The following C5orf47 variants were observed in gnomAD, a reference collection of about 807,000 sequenced individuals.
C5orf47 encodes the protein chromosome 5 open reading frame 47.
A neutral mutation model predicts 20.6 loss-of-function variants in C5orf47; 20 were observed. The observed-to-expected ratio is 0.97, with a 90% CI of 0.68 to 1.41. The LOEUF (loss-of-function observed/expected upper bound fraction) is 1.41, where lower values mean the gene tolerates loss of function less well. Ranked by LOEUF, C5orf47 falls within the 40% of genes most tolerant of loss-of-function variation. C5orf47 has a pLI of 0.00. For missense variants in C5orf47, 262 were observed against 238.4 expected, an observed-to-expected ratio of 1.10 and a Z score of -0.65; for synonymous variants, 106 against 97.3, an observed-to-expected ratio of 1.09 and a Z score of -0.53.
downstream of C5orf47, among the ~76,000 whole-genome samples, chr5:174,008,280 C>G (rs956451134): frequency 2.0e-5 from 3 of 152,132 alleles, no homozygotes; most frequent in African/African-American, 7.2e-5. Flanking sequence ...ATTGATCCGG[C>G]CCATATATTA....
intron 1 of C5orf47, 113 bp downstream of exon 1, chr5:173,989,701 G>T: frequency 1.0e-6 from 1 of 992,628 alleles, no homozygotes; most frequent in Non-Finnish European, 1.4e-6. Context: ...CAGCTTTCCT[G>T]TCAGGCCGTG....
chr5:173,989,527 T>C lies in C5orf47; in HGVS notation c.264T>C (p.Ser88=), dbSNP rs1758941510. Residue 88 remains serine, a synonymous_variant, in exon 1 of 5, where the codon TCT becomes TCC. Transcript: ENST00000340147. ...PTTPGVEAAA[S]ASSQLRASRV... is the part of the protein sequence containing the mutation. ...CCCCTGGTGTGGAGGCTGCGGCCTC[T>C]GCCTCCTCCCAGCTGCGGGCATCGA... 4 of 1,530,828 alleles carry C rather than the reference T, an allele frequency of 2.6e-6. No individual in the cohort carries two copies. In the Admixed American group the frequency reaches 6.1e-5, roughly 23 times the overall value. 94.8% of individuals were successfully genotyped at this position (1,530,828 alleles called of 1,614,324 possible). A position where few individuals can be genotyped will look rare whatever the true frequency, so the allele number is the denominator to read the frequency against.
intron 4 of C5orf47, among the ~76,000 whole-genome samples, chr5:174,002,459 G>A (rs919333466): frequency 1.3e-5 from 2 of 152,070 alleles, no homozygotes; most frequent in Non-Finnish European, 2.9e-5. Context: ...TGAAGAGATG[G>A]AATATTTTCT....
chr5:174,006,706 C>T (rs1277303630), downstream of C5orf47, among the ~76,000 whole-genome samples: 1 of 152,112 alleles, frequency 6.6e-6, no homozygotes, highest in Non-Finnish European at 1.5e-5. Flanking sequence ...TGGGGAACAG[C>T]ACTAGTGCAG....
chr5:174,003,429 TAAGG>T (rs947037479), intron 4 of C5orf47, among the ~76,000 whole-genome samples: 24 of 152,166 alleles, frequency 1.6e-4, no homozygotes, highest in African/African-American at 5.3e-4. Context: ...GAATAAGAAA[TAAGG>T]AAGTCAGGAG....
At chr5:174,001,067 T>C in intron 3 of C5orf47, 129 bp from the exon 4 acceptor site, 1 of 679,298 alleles carries the variant, frequency 1.5e-6, no homozygotes, top group South Asian at 1.8e-5. Flanking sequence ...ATTACAGAAC[T>C]TCTTTATAAA....
At chr5:173,990,383 A>G (rs1758970915) in intron 1 of C5orf47, among the ~76,000 whole-genome samples, 1 of 152,098 alleles carries the variant, frequency 6.6e-6, no homozygotes, top group Non-Finnish European at 1.5e-5. Flanking sequence ...TCAGCCTCAC[A>G]GCCCTGGGAT....
intron 2 of C5orf47, among the ~76,000 whole-genome samples, chr5:173,998,636 A>G (rs945329309): frequency 2.0e-5 from 3 of 152,206 alleles, no homozygotes; most frequent in Non-Finnish European, 4.4e-5. Context: ...GGAATATGTA[A>G]TAGGTTTCTA....
chr5:173,990,511 T>C (rs1165726146), intron 1 of C5orf47, among the ~76,000 whole-genome samples: 1 of 152,094 alleles, frequency 6.6e-6, no homozygotes, highest in African/African-American at 2.4e-5. Context: ...CTTGGGTCAC[T>C]GCAACCTACG....
intron 1 of C5orf47, among the ~76,000 whole-genome samples, chr5:173,993,231 C>T (rs112651584): frequency 6.6e-6 from 1 of 152,070 alleles, no homozygotes; most frequent in East Asian, 1.9e-4. Flanking sequence ...TCTCATTTTA[C>T]TTACAGTTGT....
At chr5:174,007,564 T>TC (rs1231142916), downstream of C5orf47, among the ~76,000 whole-genome samples, 2 of 151,552 alleles carry the variant, frequency 1.3e-5, no homozygotes, top group African/African-American at 4.9e-5. Context: ...CCTACCTTTT[T>TC]TTTTTTTTTT....
chr5:174,006,936 A>G (rs377515515), downstream of C5orf47, among the ~76,000 whole-genome samples: 7 of 152,188 alleles, frequency 4.6e-5, no homozygotes, highest in Admixed American at 1.3e-4. Context: ...ACCCAAGCCA[A>G]TGATTAAGCA....
At chr5:174,008,790 G>A (rs866038030), downstream of C5orf47, among the ~76,000 whole-genome samples, 18 of 143,442 alleles carry the variant, frequency 1.3e-4, no homozygotes, top group African/African-American at 3.9e-4. Flanking sequence ...CCAAGATCGC[G>A]CCACTGCACT....
intron 1 of C5orf47, among the ~76,000 whole-genome samples, chr5:173,993,387 A>C (rs1356515095): frequency 6.6e-6 from 1 of 152,198 alleles, no homozygotes; most frequent in African/African-American, 2.4e-5. Context: ...TCATGCCTGT[A>C]ATCCCAACAC....
intron 1 of C5orf47, among the ~76,000 whole-genome samples, chr5:173,995,013 A>T (rs989594840): frequency 6.6e-6 from 1 of 152,108 alleles, no homozygotes; most frequent in Non-Finnish European, 1.5e-5. Flanking sequence ...GGATTTCAAC[A>T]TGTAGGCCAG....
At chr5:174,008,365 T>G (rs530484502), downstream of C5orf47, among the ~76,000 whole-genome samples, 2 of 152,192 alleles carry the variant, frequency 1.3e-5, no homozygotes, top group Non-Finnish European at 2.9e-5. Context: ...CAGGCTGTGG[T>G]GTAAGCAGTC....
chr5:173,998,199 A>G lies in C5orf47; in HGVS notation c.372A>G (p.Pro124=), dbSNP rs545804544. The G allele has an allele frequency of 6.7e-5, 103 of 1,542,946 alleles. No homozygotes were observed. The Admixed American group carries it at 1.8e-3, about 27-fold the overall frequency. The change falls in exon 2 of 5, where the codon CCA becomes CCG. Residue 124 remains proline, a synonymous_variant. Transcript: ENST00000340147. ...CTAAAAAGTATGATTTTCCCATACC[A>G]TTGAATGAAGCTTCCAAAATAATGA... is the stretch of plus-strand genomic sequence containing the variant. ...DAAKKYDFPI[P]LNEASKIMKK... is the part of the protein sequence containing the mutation.
Position 173,998,116 on chromosome 5 carries a change from T to C in C5orf47, c.326-37T>C, listed in dbSNP as rs992783245. On this transcript the variant is annotated intron_variant, in intron 1 of 4. Transcript: ENST00000340147. ...TCTATTTTCAGATAGTAAATCCTTA[T>C]ATATGTTGACCTTTTCACTTTCTTC... 5.1e-6 allele frequency: 6 copies of C among 1,185,938 alleles called. No homozygotes were observed. The Admixed American group carries it at 1.2e-4, about 23-fold the overall frequency. 73.5% of individuals were successfully genotyped at this position (1,185,938 alleles called of 1,614,324 possible).
chr5:173,989,223 C>G lies in C5orf47; in HGVS notation c.-41C>G, dbSNP rs753975589. ...GTGGGCAGTCTGGCGCCTGTGGCGT[C>G]GTGTTTGCTGAGGGCCCGGCTGCCG... is the stretch of plus-strand genomic sequence containing the variant. On this transcript the variant is annotated 5_prime_UTR_variant, in exon 1 of 5. Coordinates refer to ENST00000340147, the MANE Select transcript of C5orf47 (RefSeq NM_001144954.2). 162 of 1,364,632 alleles carry G rather than the reference C, an allele frequency of 1.2e-4. No homozygotes were observed. Among genetic ancestry groups the G allele is most frequent in the Non-Finnish European group, 1.2e-4 (127 of 1,059,982 alleles). 84.5% of individuals were successfully genotyped at this position (1,364,632 alleles called of 1,614,324 possible).
Sources: allele counts gnomAD v4.1 joint callset (sites outside exome capture counted in the v4.1 genomes callset), GRCh38; gene constraint gnomAD v4.1.1; transcripts MANE v1.5; gene names NCBI Gene and HGNC (gene_info 2026-07-23, HGNC 2026-07-21).